GLMN: variants seen among roughly 807,000 people sequenced by gnomAD.
The protein encoded by GLMN is glomulin, FKBP associated protein, also known as glomulin.
A neutral mutation model predicts 87.8 loss-of-function variants in GLMN; 75 were observed. That is an observed-to-expected ratio of 0.85 (90% CI 0.71 to 1.04). GLMN has a LOEUF of 1.04. Among genes scored for constraint, GLMN ranks in the 50% least tolerant of loss-of-function variants. The pLI is 0.00. For synonymous variants in GLMN, 206 were observed against 221.6 expected, an observed-to-expected ratio of 0.93 and a Z score of 0.63; for missense variants, 588 against 658.8, an observed-to-expected ratio of 0.89 and a Z score of 1.18.
the GLMN span, among the ~76,000 whole-genome samples, chr1:92,348,937 T>C: frequency 2.0e-5 from 3 of 151,612 alleles, no homozygotes; most frequent in Admixed American, 1.3e-4. Flanking sequence ...ACAGTGAAAA[T>C]ATGGAGACTT....
intron 13 of GLMN, among the ~76,000 whole-genome samples, chr1:92,265,709 A>T (rs1655562877): frequency 6.6e-6 from 1 of 152,174 alleles, no homozygotes; most frequent in African/African-American, 2.4e-5. Flanking sequence ...GCCAAGGGTG[A>T]AGGCTGCAGT....
chr1:92,324,378 A>G, the GLMN span: 2 of 1,606,738 alleles, frequency 1.2e-6, no homozygotes, highest in Non-Finnish European at 1.7e-6. Context: ...CAGAAGAGGT[A>G]TGTCTTACAG....
At chr1:92,331,180 C>T in the GLMN span, among the ~76,000 whole-genome samples, 36 of 152,322 alleles carry the variant, frequency 2.4e-4, no homozygotes, top group Admixed American at 1.1e-3. Flanking sequence ...TGAATTGAAA[C>T]TCATATCACT....
chr1:92,345,954 T>G, the GLMN span: 6 of 1,343,838 alleles, frequency 4.5e-6, no homozygotes, highest in East Asian at 1.2e-4. Flanking sequence ...ATACTAAATG[T>G]GAAGCATATT....
At chr1:92,319,645 A>T in the GLMN span, among the ~76,000 whole-genome samples, 3 of 152,140 alleles carry the variant, frequency 2.0e-5, no homozygotes, top group Non-Finnish European at 4.4e-5. Context: ...ACAATTATAA[A>T]CAGTCTCTGC....
At chr1:92,301,161 A>G (rs1650826353), upstream of GLMN, among the ~76,000 whole-genome samples, 3 of 152,134 alleles carry the variant, frequency 2.0e-5, no homozygotes, top group Admixed American at 2.0e-4. Context: ...CTTTTTGAAA[A>G]GTATTGGATC....
chr1:92,343,783 CAT>C, the GLMN span, among the ~76,000 whole-genome samples: 5 of 152,060 alleles, frequency 3.3e-5, no homozygotes, highest in African/African-American at 1.2e-4. Context: ...AAAAGAAAAA[CAT>C]ATAGCAGAAT....
the GLMN span, among the ~76,000 whole-genome samples, chr1:92,368,306 G>A: frequency 6.6e-6 from 1 of 152,254 alleles, no homozygotes; most frequent in South Asian, 2.1e-4. Flanking sequence ...CTGAACCCAG[G>A]AGGCAGAAGT....
At chr1:92,347,323 A>T in the GLMN span, among the ~76,000 whole-genome samples, 2 of 152,128 alleles carry the variant, frequency 1.3e-5, no homozygotes, top group African/African-American at 2.4e-5. Flanking sequence ...GTCACTGGCA[A>T]AGAAAATATC....
At chr1:92,248,357 A>G (rs983219440) in intron 16 of GLMN, 11 of 192,308 alleles carry the variant, frequency 5.7e-5, no homozygotes, top group Admixed American at 1.7e-4. Context: ...TGGCCTTTCA[A>G]TTGATATCCA....
At chr1:92,251,686 A>G (rs2100791889) in intron 16 of GLMN, among the ~76,000 whole-genome samples, 1 of 152,326 alleles carries the variant, frequency 6.6e-6, no homozygotes, top group African/African-American at 2.4e-5. Flanking sequence ...AAGAATTTGT[A>G]TCCATGAAAA....
chr1:92,267,396 A>T (rs1164755094), intron 11 of GLMN, among the ~76,000 whole-genome samples: 1 of 152,192 alleles, frequency 6.6e-6, no homozygotes, highest in Non-Finnish European at 1.5e-5. Flanking sequence ...TAAATAAATT[A>T]AAATTTAAAT....
At chr1:92,282,433 A>G (rs1648180013) in intron 7 of GLMN, among the ~76,000 whole-genome samples, 1 of 152,236 alleles carries the variant, frequency 6.6e-6, no homozygotes, top group Non-Finnish European at 1.5e-5. Flanking sequence ...CAATGAGAAC[A>G]AAGACACAAT....
At chr1:92,305,694 C>T in the GLMN span, among the ~76,000 whole-genome samples, 1 of 151,848 alleles carries the variant, frequency 6.6e-6, no homozygotes, top group African/African-American at 2.4e-5. Flanking sequence ...GAAAAATTTA[C>T]ACAAGGAACT....
chr1:92,322,597 G>A, the GLMN span, among the ~76,000 whole-genome samples: 2,153 of 151,470 alleles, frequency 0.014, 49 homozygotes, highest in African/African-American at 0.048. Flanking sequence ...AAGCTCAGCC[G>A]GGCACGGTGG....
chr1:92,288,762 C>G (rs143131262), intron 6 of GLMN, 152 bp downstream of exon 6: 69 of 651,446 alleles, frequency 1.1e-4, no homozygotes, highest in Non-Finnish European at 1.8e-4. Flanking sequence ...TCTCAAGTTC[C>G]CATGCTGTAT....
the GLMN span, among the ~76,000 whole-genome samples, chr1:92,344,798 T>C: frequency 4.7e-3 from 718 of 152,346 alleles, 4 homozygotes; most frequent in African/African-American, 0.017. Flanking sequence ...AATTATTGTC[T>C]TTATATTAAT....
chr1:92,367,816 G>A, the GLMN span, among the ~76,000 whole-genome samples: 2 of 152,204 alleles, frequency 1.3e-5, no homozygotes, highest in South Asian at 4.1e-4. Flanking sequence ...TGTGGAGTAT[G>A]AGGAGTGTTG....
the GLMN span, among the ~76,000 whole-genome samples, chr1:92,329,878 AC>A: frequency 6.6e-6 from 1 of 152,224 alleles, no homozygotes; most frequent in Admixed American, 6.5e-5. Context: ...ATCATAAATC[AC>A]ATGGTACAAA....
Sources: gnomAD v4.1 joint callset for allele counts (sites outside exome capture counted in the v4.1 genomes callset) on GRCh38, gnomAD v4.1.1 for gene constraint, MANE v1.5 for transcripts, NCBI Gene and HGNC (gene_info 2026-07-23, HGNC 2026-07-21) for gene names.